Variants in STIM1 observed in about 807,000 individuals in gnomAD.
STIM1 encodes stromal interaction molecule 1.
In STIM1, 25 loss-of-function variants were observed where a neutral mutation model predicts 74.7. That is an observed-to-expected ratio of 0.33 (90% CI 0.24 to 0.47). STIM1 has a LOEUF of 0.47. STIM1 is among the 20% of genes least tolerant of loss of function. STIM1 has a pLI of 1.00. For synonymous variants in STIM1, 328 were observed against 348.8 expected, an observed-to-expected ratio of 0.94 and a Z score of 0.66; for missense variants, 728 against 920.8, an observed-to-expected ratio of 0.79 and a Z score of 2.71.
chr11:3,857,205 C>T (rs1401140261), intron 1 of STIM1, among the ~76,000 whole-genome samples: 1 of 145,398 alleles, frequency 6.9e-6, no homozygotes, highest in African/African-American at 2.5e-5. Context: ...GCTTATCAGG[C>T]AGCAGGAGCC....
chr11:3,979,592 T>G (rs1255789070), intron 2 of STIM1, among the ~76,000 whole-genome samples: 1 of 152,102 alleles, frequency 6.6e-6, no homozygotes, highest in Non-Finnish European at 1.5e-5. Context: ...ACTACAGGTG[T>G]GCACCACCAC....
chr11:3,987,804 GACACACACACACACACACAC>G lies in STIM1; in HGVS notation c.270+20142_270+20161del, dbSNP rs55772228. On this transcript the variant is annotated intron_variant, in intron 2 of 12. Coordinates refer to ENST00000526596, the MANE Select transcript of STIM1 (RefSeq NM_001382567.1). ...CTTAATAGGATATTTTGTCCTTAAG[GACACACACACACACACACAC>G]ACACACACACACACACACAGTGTGT... Among the ~76,000 whole-genome samples the G allele has an allele frequency of 4.1e-5, 6 of 145,390 alleles. No individual in the cohort carries two copies. The East Asian group carries it at 1.2e-3, about 29-fold the overall frequency.
intron 3 of STIM1, among the ~76,000 whole-genome samples, chr11:4,032,998 G>GT (rs1266414767): frequency 6.6e-6 from 1 of 152,074 alleles, no homozygotes; most frequent in African/African-American, 2.4e-5. Context: ...TAGGTCTAAC[G>GT]TTTAAGTCTT....
chr11:3,900,330 C>T (rs371413041), intron 1 of STIM1, among the ~76,000 whole-genome samples: 11 of 152,270 alleles, frequency 7.2e-5, no homozygotes, highest in Admixed American at 1.3e-4. Context: ...TTCCAGGTGC[C>T]GTCTGTCGTC....
intron 2 of STIM1, among the ~76,000 whole-genome samples, chr11:4,019,502 C>T (rs906530509): frequency 6.6e-6 from 1 of 151,776 alleles, no homozygotes; most frequent in African/African-American, 2.4e-5. Context: ...AGTGAGACAC[C>T]GTGTGTACAA....
intron 1 of STIM1, among the ~76,000 whole-genome samples, chr11:3,924,388 C>A (rs986818502): frequency 6.6e-6 from 1 of 151,804 alleles, no homozygotes; most frequent in Non-Finnish European, 1.5e-5. Flanking sequence ...TTAGCAGAGG[C>A]GGGGTTTCAC....
In STIM1 at chr11:4,091,815, G is replaced by A. The variant is rs1239774437; in HGVS notation, c.*17G>A. Reference sequence around the variant, plus strand: ...AAGAAGTAGGCAGGATGGGGTGGCAGTAAAGGGACAGCTTGTCCTTCCCTG... The same window carrying A: ...AAGAAGTAGGCAGGATGGGGTGGCAATAAAGGGACAGCTTGTCCTTCCCTG... On this transcript the variant is annotated 3_prime_UTR_variant, in exon 13 of 13. Coordinates refer to ENST00000526596, the MANE Select transcript of STIM1 (RefSeq NM_001382567.1). The A allele has an allele frequency of 3.1e-6, 5 of 1,600,542 alleles. No homozygotes were observed. The South Asian group carries it at 4.4e-5, about 14-fold the overall frequency.
At chr11:3,965,791 A>G (rs1273895305) in intron 1 of STIM1, among the ~76,000 whole-genome samples, 1 of 152,222 alleles carries the variant, frequency 6.6e-6, no homozygotes, top group Non-Finnish European at 1.5e-5. Context: ...GGATCACTTG[A>G]GGTCAGGACT....
chr11:4,057,729 G>A (rs2094301170), intron 4 of STIM1, among the ~76,000 whole-genome samples: 1 of 152,082 alleles, frequency 6.6e-6, no homozygotes, highest in Non-Finnish European at 1.5e-5. Context: ...AATTAGCCAG[G>A]CGTGGTGGCA....
intron 1 of STIM1, among the ~76,000 whole-genome samples, chr11:3,928,188 T>A (rs1303317923): frequency 1.3e-5 from 2 of 152,184 alleles, no homozygotes; most frequent in Non-Finnish European, 2.9e-5. Flanking sequence ...ATTTTTTCTT[T>A]CGATATGTTA....
At chr11:4,033,834 C>T (rs547876243) in intron 3 of STIM1, among the ~76,000 whole-genome samples, 10 of 151,878 alleles carry the variant, frequency 6.6e-5, no homozygotes, top group South Asian at 2.1e-4. Context: ...CTCCTGACCT[C>T]GTGATCTGCC....
At chr11:3,956,823 CAAAAAAAAAAA>C (rs78285130) in intron 1 of STIM1, among the ~76,000 whole-genome samples, 2,587 of 38,238 alleles carry the variant, frequency 0.068, 107 homozygotes, top group African/African-American at 0.18. Flanking sequence ...ACCCTGTCTC[CAAAAAAAAAAA>C]AAAAAAAAAA....
intron 3 of STIM1, among the ~76,000 whole-genome samples, chr11:4,026,555 C>T (rs1439584471): frequency 6.6e-6 from 1 of 152,182 alleles, no homozygotes; most frequent in Non-Finnish European, 1.5e-5. Context: ...AGACATCAGC[C>T]ATAATTTCAA....
intron 2 of STIM1, among the ~76,000 whole-genome samples, chr11:3,994,606 T>G: frequency 6.6e-6 from 1 of 151,850 alleles, no homozygotes; most frequent in East Asian, 1.9e-4. Context: ...ATCGCAGGCG[T>G]ACACCACCAC....
intron 1 of STIM1, among the ~76,000 whole-genome samples, chr11:3,910,580 A>T (rs1057446905): frequency 1.3e-5 from 2 of 152,092 alleles, no homozygotes; most frequent in Admixed American, 1.3e-4. Flanking sequence ...AAAAATTTAG[A>T]ACTAAAAACC....
At position 4,091,979 on chromosome 11, in the gene STIM1, C is replaced by T; in HGVS notation, c.*181C>T. ...TGGGTCCTTCATTATTATTTATTAA[C>T]TGACCACCATGGCCTGCCTGCCCTG... On this transcript the variant is annotated 3_prime_UTR_variant, in exon 13 of 13. Coordinates refer to ENST00000526596, the MANE Select transcript of STIM1 (RefSeq NM_001382567.1). 1.2e-6 allele frequency: 1 copy of T among 846,142 alleles called. No homozygotes were observed. Among genetic ancestry groups the T allele is most frequent in the South Asian group, 1.6e-5 (1 of 60,962 alleles). The allele number at this position is 846,142 out of a possible 1,614,324, so 52.4% of individuals were successfully genotyped here. A position where few individuals can be genotyped will look rare whatever the true frequency, so the allele number is the denominator to read the frequency against.
At chr11:3,914,863 C>T (rs2092620124) in intron 1 of STIM1, among the ~76,000 whole-genome samples, 1 of 152,086 alleles carries the variant, frequency 6.6e-6, no homozygotes, top group Non-Finnish European at 1.5e-5. Flanking sequence ...TTTACATTCC[C>T]ATCAGCAGTG....
At chr11:3,943,741 A>G (rs1473051855) in intron 1 of STIM1, among the ~76,000 whole-genome samples, 1 of 152,216 alleles carries the variant, frequency 6.6e-6, no homozygotes, top group Non-Finnish European at 1.5e-5. Context: ...TCTCTGCAAA[A>G]CACAAAAACC....
chr11:3,998,105 A>T (rs2093678916), intron 2 of STIM1, among the ~76,000 whole-genome samples: 1 of 152,208 alleles, frequency 6.6e-6, no homozygotes, highest in Non-Finnish European at 1.5e-5. Flanking sequence ...TATTACACAC[A>T]CACACAGACA....
Sources: allele counts gnomAD v4.1 joint callset (sites outside exome capture counted in the v4.1 genomes callset), GRCh38; gene constraint gnomAD v4.1.1; transcripts MANE v1.5; gene names NCBI Gene and HGNC (gene_info 2026-07-23, HGNC 2026-07-21).